Variants in CEP126 observed in about 807,000 individuals in gnomAD.
CEP126 encodes centrosomal protein of 126 kDa.
In CEP126, 74 loss-of-function variants were observed where a neutral mutation model predicts 107.8. The observed-to-expected ratio is 0.69, with a 90% CI of 0.57 to 0.83. CEP126 has a LOEUF of 0.83. Among genes scored for constraint, CEP126 ranks in the 40% least tolerant of loss-of-function variants. The pLI, the probability that CEP126 is intolerant of heterozygous loss-of-function variation, is 0.00. For synonymous variants in CEP126, 449 were observed against 446.0 expected, an observed-to-expected ratio of 1.01 and a Z score of -0.08; for missense variants, 1,237 against 1,281.9, an observed-to-expected ratio of 0.96 and a Z score of 0.53.
intron 3 of CEP126, among the ~76,000 whole-genome samples, chr11:101,944,947 T>G (rs1940715985): frequency 1.3e-5 from 2 of 152,182 alleles, no homozygotes; most frequent in Admixed American, 1.3e-4. Flanking sequence ...TGTCAAAGCT[T>G]CATAAAGAAT....
intron 4 of CEP126, among the ~76,000 whole-genome samples, chr11:101,950,898 G>A (rs1242508391): frequency 6.6e-6 from 1 of 152,204 alleles, no homozygotes; most frequent in Non-Finnish European, 1.5e-5. Context: ...TCAGCAGGGA[G>A]TGATAGCATC....
chr11:101,947,105 A>AT (rs1449228971), intron 3 of CEP126, among the ~76,000 whole-genome samples: 1 of 152,024 alleles, frequency 6.6e-6, no homozygotes, highest in Non-Finnish European at 1.5e-5. Flanking sequence ...ATAACATCCT[A>AT]TTTTTGCTTA....
At chr11:101,975,241 G>T (rs1338789480) in intron 6 of CEP126, among the ~76,000 whole-genome samples, 2 of 152,122 alleles carry the variant, frequency 1.3e-5, no homozygotes, top group Non-Finnish European at 2.9e-5. Context: ...TTCGTCAATT[G>T]TGAAATCAAC....
intron 4 of CEP126, among the ~76,000 whole-genome samples, chr11:101,952,527 G>A (rs1940826041): frequency 6.6e-6 from 1 of 152,152 alleles, no homozygotes; most frequent in Admixed American, 6.6e-5. Flanking sequence ...AAGAATCAAA[G>A]ATGACTCCAG....
chr11:101,954,540 A>G (rs1333648450), intron 4 of CEP126, among the ~76,000 whole-genome samples: 1 of 152,116 alleles, frequency 6.6e-6, no homozygotes, highest in African/African-American at 2.4e-5. Flanking sequence ...AATGATCTTC[A>G]TTGTGCATTA....
At chr11:101,954,447 T>C (rs1317995064) in intron 4 of CEP126, among the ~76,000 whole-genome samples, 4 of 152,224 alleles carry the variant, frequency 2.6e-5, no homozygotes, top group Non-Finnish European at 4.4e-5. Flanking sequence ...AACTTTGCTT[T>C]CCCTGCAGCA....
At chr11:101,918,778 A>G (rs1420460367) in intron 1 of CEP126, among the ~76,000 whole-genome samples, 3 of 152,204 alleles carry the variant, frequency 2.0e-5, no homozygotes, top group East Asian at 1.9e-4. Context: ...TAGAGAAGAC[A>G]CTTATCATGT....
At chr11:101,938,587 C>T (rs185030822) in intron 2 of CEP126, among the ~76,000 whole-genome samples, 25 of 152,186 alleles carry the variant, frequency 1.6e-4, no homozygotes, top group African/African-American at 5.5e-4. Flanking sequence ...GTGGCTCACA[C>T]CTGTAATCCC....
At chr11:101,937,071 AT>A (rs1425545965) in intron 2 of CEP126, among the ~76,000 whole-genome samples, 1 of 152,216 alleles carries the variant, frequency 6.6e-6, no homozygotes, top group East Asian at 1.9e-4. Flanking sequence ...CATGAAATTC[AT>A]TTATGTTTGA....
Position 101,922,689 on chromosome 11 carries a change from A to T in CEP126, c.177A>T (p.Ile59=). 1 of 1,610,200 alleles carries T rather than the reference A, an allele frequency of 6.2e-7. No individual in the cohort carries two copies. Residue 59 remains isoleucine (I), a synonymous_variant, in exon 2 of 11, where the codon ATA becomes ATT. Coordinates refer to ENST00000263468, the MANE Select transcript of CEP126 (RefSeq NM_020802.4). The part of the protein sequence containing the change: ...LEKNLEEERQ[I]LLQQQKICRN... ...AAAATTTAGAAGAAGAGCGCCAGAT[A>T]TTACTGCAGCAACAAAAAATATGTC... is the stretch of plus-strand genomic sequence containing the variant.
rs750381227 is a variant in CEP126, at chr11:101,944,355, A to C, written c.339A>C (p.Glu113Asp). Residue 113 changes from glutamate (E) to aspartate (D), a missense_variant, in exon 3 of 11, where the codon GAA (glutamate) becomes GAC (aspartate). Around this residue, in one of 3 missense-constraint regions of CEP126, gnomAD observed 1,134 missense variants for 1,150.5 expected, o/e 0.99. Transcript: ENST00000263468. ...AACAAAGAAAACAGAAGTTTGAAGA[A>C]GTTACTGAAAAATTCCAGCGTGCCC... ...ILQQRKQKFE[E>D]VTEKFQRAHV... The C allele has an allele frequency of 6.2e-7, 1 of 1,612,264 alleles. No individual in the cohort carries two copies. Among genetic ancestry groups the C allele is most frequent in the Non-Finnish European group, 8.5e-7 (1 of 1,179,336 alleles).
At chr11:101,989,345 G>C (rs1473385400) in intron 9 of CEP126, among the ~76,000 whole-genome samples, 1 of 152,104 alleles carries the variant, frequency 6.6e-6, no homozygotes, top group Non-Finnish European at 1.5e-5. Flanking sequence ...GGACTGTCTA[G>C]TGCATCGTAA....
intron 9 of CEP126, among the ~76,000 whole-genome samples, chr11:101,987,323 C>A (rs542958951): frequency 3.9e-5 from 6 of 152,234 alleles, no homozygotes; most frequent in Non-Finnish European, 8.8e-5. Context: ...ACTGACCATC[C>A]ATCAAAACAA....
intron 2 of CEP126, among the ~76,000 whole-genome samples, chr11:101,932,508 ACCACC>A (rs1940515688): frequency 1.3e-5 from 2 of 152,200 alleles, no homozygotes; most frequent in Admixed American, 1.3e-4. Flanking sequence ...CAAGAAAAAT[ACCACC>A]TCTTAGCTTT....
At chr11:101,918,251 C>A (rs1940261753) in intron 1 of CEP126, among the ~76,000 whole-genome samples, 1 of 152,118 alleles carries the variant, frequency 6.6e-6, no homozygotes, top group Non-Finnish European at 1.5e-5. Context: ...AGTTCGAAAC[C>A]AGCCTGGGCA....
At chr11:101,931,260 T>A (rs952839656) in intron 2 of CEP126, among the ~76,000 whole-genome samples, 7 of 152,194 alleles carry the variant, frequency 4.6e-5, no homozygotes, top group African/African-American at 1.7e-4. Context: ...ATCTTTATTG[T>A]TTAGGTGTTT....
At chr11:101,982,240 T>A (rs930669281) in intron 8 of CEP126, among the ~76,000 whole-genome samples, 2 of 152,310 alleles carry the variant, frequency 1.3e-5, no homozygotes, top group Middle Eastern at 3.4e-3. Context: ...GACATGTAAA[T>A]GCCACCCAGT....
chr11:101,985,848 A>G (rs1941310328), intron 8 of CEP126, among the ~76,000 whole-genome samples: 1 of 152,146 alleles, frequency 6.6e-6, no homozygotes, highest in African/African-American at 2.4e-5. Flanking sequence ...AAGCTTTGTC[A>G]AAGAACCTTC....
Position 101,986,965 on chromosome 11 carries a change from A to G in CEP126, c.3168A>G (p.Gln1056=), listed in dbSNP as rs1227174725. 14 of 1,613,720 alleles carry G rather than the reference A, an allele frequency of 8.7e-6. No individual in the cohort carries two copies. Among genetic ancestry groups the G allele is most frequent in the Non-Finnish European group, 1.2e-5 (14 of 1,179,844 alleles). The change falls in exon 9 of 11, where the codon CAA becomes CAG. Residue 1056 remains glutamine, a synonymous_variant. Coordinates refer to ENST00000263468, the MANE Select transcript of CEP126 (RefSeq NM_020802.4). ...ATCTACCTTTAAATAAAACTCAACA[A>G]TTCAACATCTGCACACTGTCAGCTG... ...KSNLPLNKTQ[Q]FNICTLSAEE...
Sources: gnomAD v4.1 joint callset for allele counts (sites outside exome capture counted in the v4.1 genomes callset) on GRCh38, gnomAD v4.1.1 for gene constraint, gnomAD v4.1.1 regional missense constraint, MANE v1.5 for transcripts, NCBI Gene and HGNC (gene_info 2026-07-23, HGNC 2026-07-21) for gene names.